Variants in MDH1B observed in about 807,000 individuals in gnomAD.
MDH1B encodes malate dehydrogenase 1B.
MDH1B carries 60 observed loss-of-function variants against 61.4 expected under a neutral mutation model. The ratio of observed to expected loss-of-function variants is 0.98; its 90% CI spans 0.79 to 1.21. MDH1B has a LOEUF of 1.21. Among genes scored for constraint, MDH1B ranks in the 50% most tolerant of loss-of-function variants. The pLI is 0.00. For missense variants in MDH1B, 587 were observed against 632.1 expected (o/e 0.93, Z 0.76); for synonymous variants, 236 against 218.7 (o/e 1.08, Z -0.70).
At position 206,757,240 on chromosome 2, in the gene MDH1B, A is replaced by C; in HGVS notation, c.267T>G (p.Ala89=). The C allele has an allele frequency of 1.2e-6, 2 of 1,612,974 alleles. No homozygotes were observed. The highest frequency in any genetic ancestry group is 1.7e-6 in the Non-Finnish European group (2 of 1,179,436). Residue 89 remains alanine, a synonymous_variant, in exon 3 of 12, where the codon GCT becomes GCG. Coordinates refer to ENST00000374412, the MANE Select transcript of MDH1B (RefSeq NM_001039845.3). ...LGGYNEFLEH[A]QLYYDVTSSM... ...ACAGATAAGTTAACTTATATACCTG[A>C]GCATGCTCCAGGAACTCATTATATC...
chr2:206,740,050 T>C (rs1331599646), intron 10 of MDH1B, among the ~76,000 whole-genome samples: 1 of 152,216 alleles, frequency 6.6e-6, no homozygotes, highest in African/African-American at 2.4e-5. Flanking sequence ...ATTTTTTTGA[T>C]ATATGGTTTG....
At chr2:206,740,144 C>A (rs1687728596) in intron 10 of MDH1B, among the ~76,000 whole-genome samples, 1 of 152,156 alleles carries the variant, frequency 6.6e-6, no homozygotes. Flanking sequence ...GACCCCTGAA[C>A]AATGTGGAGG....
Position 206,755,187 on chromosome 2 carries a change from C to G in MDH1B, c.732G>C (p.Glu244Asp). The change falls in exon 5 of 12, where the codon GAG becomes GAC. Residue 244 changes from glutamate (E) to aspartate (D), a missense_variant. Transcript: ENST00000374412. ...PLCRLYGYLIEKNAHESVRVI... is the reference protein window; with the variant it reads ...PLCRLYGYLIDKNAHESVRVI... ...CTCTGACAGACTCATGAGCATTTTT[C>G]TCTATCAGGTACCCATAGAGCCTGC... is the stretch of plus-strand genomic sequence containing the variant. The G allele has an allele frequency of 3.1e-6, 5 of 1,614,174 alleles. No individual in the cohort carries two copies. The highest frequency in any genetic ancestry group is 3.4e-6 in the Non-Finnish European group (4 of 1,180,036).
rs1688114085 is a variant in MDH1B at position 206,746,402 on chromosome 2, A to G, written c.1241T>C (p.Ile414Thr). ...AAATTTCACAGGCATAGAAAAGACG[A>G]TCCCTTTCGGAATACCAAACTGGCC... Reference protein sequence around the residue: ...SEGQFGIPKGIVFSMPVKFEN... With the variant: ...SEGQFGIPKGTVFSMPVKFEN... The change falls in exon 8 of 12, where the codon ATC becomes ACC. Residue 414 changes from isoleucine (I) to threonine (T), a missense_variant. Coordinates refer to ENST00000374412, the MANE Select transcript of MDH1B (RefSeq NM_001039845.3). 1 of 1,613,642 alleles carries G rather than the reference A, an allele frequency of 6.2e-7. No individual in the cohort carries two copies. Among genetic ancestry groups the G allele is most frequent in the South Asian group, 1.1e-5 (1 of 90,974 alleles).
intron 1 of MDH1B, among the ~76,000 whole-genome samples, chr2:206,763,398 T>C (rs1468807688): frequency 6.6e-6 from 1 of 152,052 alleles, no homozygotes; most frequent in African/African-American, 2.4e-5. Context: ...TCCAATCCAT[T>C]CACTTCTCTC....
chr2:206,739,280 G>C (rs1050283587), intron 11 of MDH1B, among the ~76,000 whole-genome samples: 13 of 152,206 alleles, frequency 8.5e-5, no homozygotes, highest in Middle Eastern at 3.4e-3. Flanking sequence ...GTTGGGAGTG[G>C]TGATGCATGC....
chr2:206,738,432 CTA>C lies in MDH1B; in HGVS notation c.*49_*50del. On this transcript the variant is annotated 3_prime_UTR_variant, in exon 12 of 12. Coordinates refer to ENST00000374412, the MANE Select transcript of MDH1B (RefSeq NM_001039845.3). ...ATATAGACATTCATATAAATTCTTT[CTA>C]TGTTTATTGTGCTATCAAGTAATTA... 7.6e-7 allele frequency: 1 copy of C among 1,323,060 alleles called. No individual in the cohort carries two copies. Among genetic ancestry groups the C allele is most frequent in the Non-Finnish European group, 1.1e-6 (1 of 948,076 alleles). 82.0% of individuals were successfully genotyped at this position (1,323,060 alleles called of 1,614,324 possible).
chr2:206,758,463 A>G (rs926516008), intron 2 of MDH1B, among the ~76,000 whole-genome samples: 17 of 152,124 alleles, frequency 1.1e-4, no homozygotes, highest in African/African-American at 3.9e-4. Flanking sequence ...ACGGTAGAAG[A>G]ATGGATCAAA....
chr2:206,742,229 T>C (rs1291845590), intron 9 of MDH1B, among the ~76,000 whole-genome samples: 2 of 152,154 alleles, frequency 1.3e-5, no homozygotes, highest in South Asian at 2.1e-4. Flanking sequence ...CAAGCTCTTA[T>C]TATGTGAGTG....
At chr2:206,759,219 G>C (rs1688950615) in intron 2 of MDH1B, among the ~76,000 whole-genome samples, 1 of 152,042 alleles carries the variant, frequency 6.6e-6, no homozygotes, top group African/African-American at 2.4e-5. Flanking sequence ...CCACTTCTAA[G>C]TGAGAATATG....
Position 206,757,285 on chromosome 2 carries a change from TC to T in MDH1B, c.221del (p.Gly74GlufsTer26), listed in dbSNP as rs766762029. On this transcript the variant is annotated frameshift_variant, in exon 3 of 12. Coordinates refer to ENST00000374412, the MANE Select transcript of MDH1B (RefSeq NM_001039845.3). LOFTEE classifies it high-confidence loss of function. Reference sequence around the variant, plus strand: ...TATATCCTCCCAAAAGCAAACCCTTTCCTCCACGATCCAACAGCTCTCTCCA... The same window carrying T: ...TATATCCTCCCAAAAGCAAACCCTTTCTCCACGATCCAACAGCTCTCTCCA... ...IIWRELLDRG[G>X]KGLLLGGYNE... The T allele has an allele frequency of 6.2e-7, 1 of 1,614,004 alleles. No homozygotes were observed. The highest frequency in any genetic ancestry group is 8.5e-7 in the Non-Finnish European group (1 of 1,179,924).
Position 206,760,917 on chromosome 2 carries a change from C to G in MDH1B, c.119G>C (p.Arg40Pro). ...GCTTCTTACCTCCCAAACCTCAGGA[C>G]GTTGTGTGATTTTATGTATCCGAAA... is the stretch of plus-strand genomic sequence containing the variant. Reference protein sequence around the residue: ...PDFRIHKITQRPEVWEDWLKD... With the variant: ...PDFRIHKITQPPEVWEDWLKD... The change falls in exon 2 of 12, where the codon CGT (arginine) becomes CCT (proline). Residue 40 changes from arginine (R) to proline (P), a missense_variant. Coordinates refer to ENST00000374412, the MANE Select transcript of MDH1B (RefSeq NM_001039845.3). 3 of 1,606,398 alleles carry G rather than the reference C, an allele frequency of 1.9e-6. No homozygotes were observed. Among genetic ancestry groups the G allele is most frequent in the Non-Finnish European group, 2.6e-6 (3 of 1,173,546 alleles).
intron 4 of MDH1B, among the ~76,000 whole-genome samples, chr2:206,755,955 C>T (rs959912101): frequency 9.3e-5 from 13 of 140,116 alleles, no homozygotes; most frequent in African/African-American, 2.4e-4. Flanking sequence ...TTTCCAAATT[C>T]TTACACAGAA....
Position 206,756,948 on chromosome 2 carries a change from C to T in MDH1B, c.363G>A (p.Glu121=), listed in dbSNP as rs1458255431. 1 of 1,614,138 alleles carries T rather than the reference C, an allele frequency of 6.2e-7. No individual in the cohort carries two copies. Among genetic ancestry groups the T allele is most frequent in the Admixed American group, 1.7e-5 (1 of 60,020 alleles). The part of the protein sequence containing the change: ...NLGAHIEKEQ[E]EEALKTCINP... Reference sequence around the variant, plus strand: ...TGATGCAAGTTTTCAGGGCTTCTTCCTCCTGCTCTTTTTCTATATGTGCCC... The same window carrying T: ...TGATGCAAGTTTTCAGGGCTTCTTCTTCCTGCTCTTTTTCTATATGTGCCC... The change falls in exon 4 of 12, where the codon GAG becomes GAA. Residue 121 remains glutamate (E), a synonymous_variant. Coordinates refer to ENST00000374412, the MANE Select transcript of MDH1B (RefSeq NM_001039845.3).
intron 2 of MDH1B, among the ~76,000 whole-genome samples, chr2:206,758,008 C>T (rs970066444): frequency 5.3e-5 from 8 of 152,108 alleles, no homozygotes; most frequent in African/African-American, 1.4e-4. Flanking sequence ...GGTAATGAGG[C>T]CACCTTACCA....
At position 206,746,326 on chromosome 2, in the gene MDH1B, A is replaced by C. The variant is rs1274083618; in HGVS notation, c.1317T>G (p.Ser439Arg). Reference protein sequence around the residue: ...VLTDLKDVEISEQIMTRMTSD... With the variant: ...VLTDLKDVEIREQIMTRMTSD... Reference sequence around the variant, plus strand: ...TTGTCATTCGGGTCATTATTTGTTCACTTATTTCAACATCTTTGAGATCTG... The same window carrying C: ...TTGTCATTCGGGTCATTATTTGTTCCCTTATTTCAACATCTTTGAGATCTG... Residue 439 changes from serine to arginine, a missense_variant, in exon 8 of 12, where the codon AGT becomes AGG. Coordinates refer to ENST00000374412, the MANE Select transcript of MDH1B (RefSeq NM_001039845.3). 1 of 1,613,728 alleles carries C rather than the reference A, an allele frequency of 6.2e-7. No homozygotes were observed. The highest frequency in any genetic ancestry group is 1.3e-5 in the African/African-American group (1 of 74,898).
chr2:206,763,933 C>T (rs1689264181), intron 1 of MDH1B, among the ~76,000 whole-genome samples: 1 of 152,114 alleles, frequency 6.6e-6, no homozygotes, highest in Non-Finnish European at 1.5e-5. Context: ...CCTGCCCTGT[C>T]AGTGTCATAC....
At chr2:206,744,753 C>G (rs1419014988) in intron 9 of MDH1B, among the ~76,000 whole-genome samples, 1 of 151,652 alleles carries the variant, frequency 6.6e-6, no homozygotes, top group East Asian at 2.0e-4. Context: ...AGTGAAACCT[C>G]GTCTCTACTA....
chr2:206,746,199 A>G (rs1409341381), intron 8 of MDH1B, 88 bp downstream of exon 8: 7 of 1,214,118 alleles, frequency 5.8e-6, no homozygotes, highest in Non-Finnish European at 7.7e-6. Flanking sequence ...ATTTGAATCC[A>G]TAGAAAAACC....
Sources: gnomAD v4.1 joint callset for allele counts (sites outside exome capture counted in the v4.1 genomes callset) on GRCh38, gnomAD v4.1.1 for gene constraint, MANE v1.5 for transcripts, NCBI Gene and HGNC (gene_info 2026-07-23, HGNC 2026-07-21) for gene names.